The following LINGO2 variants were observed in gnomAD, a reference collection of about 807,000 sequenced individuals.
LINGO2 encodes the protein leucine-rich repeat and immunoglobulin-like domain-containing nogo receptor-interacting protein 2.
Under a neutral mutation model 30.6 loss-of-function variants are expected in LINGO2, and 14 were observed. That is an observed-to-expected ratio of 0.46 (90% confidence interval 0.30 to 0.72). The LOEUF (loss-of-function observed/expected upper bound fraction) is 0.72. LINGO2 is among the 30% of genes least tolerant of loss of function. LINGO2 has a pLI of 0.07. For missense variants in LINGO2, 729 were observed against 751.7 expected, an observed-to-expected ratio of 0.97 and a Z score of 0.35; for synonymous variants, 317 against 288.5, an observed-to-expected ratio of 1.10 and a Z score of -1.00.
intron 2 of LINGO2, among the ~76,000 whole-genome samples, chr9:28,467,036 G>GT (rs1491523551): frequency 7.1e-5 from 7 of 98,524 alleles, no homozygotes; most frequent in Admixed American, 6.6e-4. Flanking sequence ...CTTTTTTTTT[G>GT]GGGGGGGGGG....
chr9:28,464,297 T>C (rs1825209380), intron 2 of LINGO2, among the ~76,000 whole-genome samples: 2 of 152,222 alleles, frequency 1.3e-5, no homozygotes, highest in Non-Finnish European at 2.9e-5. Flanking sequence ...AAAGTAGTTA[T>C]AATCAGAAGG....
the LINGO2 span, among the ~76,000 whole-genome samples, chr9:28,730,680 C>A: frequency 6.6e-6 from 1 of 152,080 alleles, no homozygotes. Flanking sequence ...GTTGTACATA[C>A]TGTATAAAAA....
chr9:28,376,619 T>C (rs1178901965), intron 2 of LINGO2, among the ~76,000 whole-genome samples: 1 of 152,204 alleles, frequency 6.6e-6, no homozygotes, highest in African/African-American at 2.4e-5. Flanking sequence ...CTCATGCTAA[T>C]GACTGATTAA....
At chr9:28,127,277 C>T (rs185715366) in intron 4 of LINGO2, among the ~76,000 whole-genome samples, 4 of 152,162 alleles carry the variant, frequency 2.6e-5, no homozygotes, top group South Asian at 2.1e-4. Context: ...CTTATGCCTT[C>T]GGGGCCTTGG....
At chr9:28,059,951 A>C (rs1825091276) in intron 4 of LINGO2, among the ~76,000 whole-genome samples, 1 of 152,058 alleles carries the variant, frequency 6.6e-6, no homozygotes, top group Non-Finnish European at 1.5e-5. Context: ...TTCAAATCAT[A>C]GCTCTGCTTC....
At chr9:28,825,915 C>A in the LINGO2 span, among the ~76,000 whole-genome samples, 1 of 152,126 alleles carries the variant, frequency 6.6e-6, no homozygotes, top group Non-Finnish European at 1.5e-5. Flanking sequence ...AAACAGGTAA[C>A]TGACTTCATG....
intron 2 of LINGO2, among the ~76,000 whole-genome samples, chr9:28,454,582 T>A (rs1824772888): frequency 6.6e-6 from 1 of 152,004 alleles, no homozygotes; most frequent in South Asian, 2.1e-4. Context: ...TACATATACA[T>A]ATTATATATA....
rs567260039 is a variant in LINGO2 at position 28,090,035 on chromosome 9, G to C, written c.-86-77630C>G. 7.9e-4 allele frequency among the ~76,000 whole-genome samples: 120 copies of C among 152,242 alleles called. 1 individual carries two copies. Among genetic ancestry groups the C allele is most frequent in the African/African-American group, 2.8e-3 (118 of 41,550 alleles). On this transcript the variant is annotated intron_variant, in intron 4 of 5. Coordinates refer to ENST00000379992, the Ensembl canonical transcript of LINGO2. ...CAGGAAGAAGTTGAATCTCTGAATA[G>C]ACCAATAACAGGCTCTGAAATTGAG...
intron 4 of LINGO2, among the ~76,000 whole-genome samples, chr9:28,090,365 A>G (rs1242700285): frequency 1.3e-5 from 2 of 152,194 alleles, no homozygotes; most frequent in African/African-American, 4.8e-5. Flanking sequence ...CTTATCCACC[A>G]TGATCAAGTG....
chr9:28,433,297 T>A (rs1246156065), intron 2 of LINGO2, among the ~76,000 whole-genome samples: 1 of 149,830 alleles, frequency 6.7e-6, no homozygotes, highest in Non-Finnish European at 1.5e-5. Flanking sequence ...TTCACCCCTA[T>A]ATAAAGGGAA....
At chr9:28,598,462 G>A (rs998201983) in intron 1 of LINGO2, among the ~76,000 whole-genome samples, 11 of 127,884 alleles carry the variant, frequency 8.6e-5, no homozygotes, top group African/African-American at 1.6e-4. Context: ...CAAAAAAAAC[G>A]CCAAATAATG....
In LINGO2 at chr9:28,272,257, T is replaced by C. The variant is rs1822967291; in HGVS notation, c.-87+22951A>G. ...CAACAGGGAGAACAGATCGTGTTCCTCTTACGCCAAAAATACTTCAGGGGC... is the reference window on the plus strand; with the variant it reads ...CAACAGGGAGAACAGATCGTGTTCCCCTTACGCCAAAAATACTTCAGGGGC... On this transcript the variant is annotated intron_variant, in intron 4 of 5. Transcript: ENST00000379992. Among the ~76,000 whole-genome samples, 3 of 152,078 alleles carry C rather than the reference T, an allele frequency of 2.0e-5. No individual in the cohort carries two copies. The South Asian group carries it at 6.2e-4, about 31-fold the overall frequency.
chr9:28,343,417 T>A (rs917416494), intron 3 of LINGO2, among the ~76,000 whole-genome samples: 1 of 152,174 alleles, frequency 6.6e-6, no homozygotes, highest in African/African-American at 2.4e-5. Context: ...GCCTATTCTG[T>A]ATTGAAATTA....
chr9:28,249,251 ACT>A (rs1447573761), intron 4 of LINGO2, among the ~76,000 whole-genome samples: 1 of 152,042 alleles, frequency 6.6e-6, no homozygotes, highest in African/African-American at 2.4e-5. Context: ...TTTACCTAAA[ACT>A]CTCTACAGTA....
intron 1 of LINGO2, among the ~76,000 whole-genome samples, chr9:28,603,110 G>A (rs1364625637): frequency 6.6e-6 from 1 of 152,016 alleles, no homozygotes; most frequent in East Asian, 1.9e-4. Flanking sequence ...GCTTTTACAA[G>A]TATGTGTTTA....
chr9:28,933,617 G>A, the LINGO2 span, among the ~76,000 whole-genome samples: 3 of 152,024 alleles, frequency 2.0e-5, no homozygotes, highest in African/African-American at 4.8e-5. Context: ...ATCAAAATCC[G>A]GACAAACAGA....
chr9:28,861,096 TA>T, the LINGO2 span, among the ~76,000 whole-genome samples: 1 of 121,278 alleles, frequency 8.2e-6, no homozygotes, highest in South Asian at 2.2e-4. Context: ...ATAAATTATA[TA>T]AATATATAAA....
chr9:28,343,880 A>G (rs1409405966), intron 3 of LINGO2, among the ~76,000 whole-genome samples: 1 of 152,148 alleles, frequency 6.6e-6, no homozygotes, highest in African/African-American at 2.4e-5. Flanking sequence ...GGTAAGTTAA[A>G]CAGGAAACCC....
At chr9:28,286,901 G>T (rs1823529569) in intron 4 of LINGO2, among the ~76,000 whole-genome samples, 1 of 152,058 alleles carries the variant, frequency 6.6e-6, no homozygotes, top group Non-Finnish European at 1.5e-5. Context: ...CTGTACAACA[G>T]CCCCCATGAC....
Sources: gnomAD v4.1 joint callset for allele counts (sites outside exome capture counted in the v4.1 genomes callset) on GRCh38, gnomAD v4.1.1 for gene constraint, MANE v1.5 for transcripts, NCBI Gene and HGNC (gene_info 2026-07-23, HGNC 2026-07-21) for gene names.